The following TOP2A variants were observed in gnomAD, a reference collection of about 807,000 sequenced individuals.
TOP2A encodes the protein DNA topoisomerase II alpha, also known as DNA topoisomerase 2-alpha.
A neutral mutation model predicts 187.2 loss-of-function variants in TOP2A; 68 were observed. The observed-to-expected ratio is 0.36, with a 90% CI of 0.30 to 0.44. The LOEUF (loss-of-function observed/expected upper bound fraction) is 0.44. Among genes scored for constraint, TOP2A ranks in the 20% least tolerant of loss-of-function variants. The pLI is 1.00. For missense variants in TOP2A, 1,196 were observed against 1,808.7 expected (o/e 0.66, Z 6.14); for synonymous variants, 542 against 593.2 (o/e 0.91, Z 1.25).
At chr17:40,394,863 C>T (rs1357718534) in intron 29 of TOP2A, among the ~76,000 whole-genome samples, 3 of 152,134 alleles carry the variant, frequency 2.0e-5, no homozygotes, top group Non-Finnish European at 2.9e-5. Flanking sequence ...ACTAGAACCT[C>T]GTAAGTGGCT....
chr17:40,393,139 T>A (rs1273814983), intron 29 of TOP2A, among the ~76,000 whole-genome samples: 1 of 151,568 alleles, frequency 6.6e-6, no homozygotes, highest in Non-Finnish European at 1.5e-5. Context: ...CTGGTCAACA[T>A]GGCAAAACCC....
rs2035348755 is a variant in TOP2A at position 40,413,425 on chromosome 17, A to G, written c.478+55T>C. On this transcript the variant is annotated intron_variant, in intron 5 of 34. Transcript: ENST00000423485. Reference sequence around the variant, plus strand: ...TTTAACCCTCATGCCACAGACAGTCATTTAAATATATATATTTTTAGCAAC... The same window carrying G: ...TTTAACCCTCATGCCACAGACAGTCGTTTAAATATATATATTTTTAGCAAC... 4 of 1,425,270 alleles carry G rather than the reference A, an allele frequency of 2.8e-6. No individual in the cohort carries two copies. The African/African-American group carries it at 5.8e-5, about 21-fold the overall frequency. 88.3% of individuals were successfully genotyped at this position (1,425,270 alleles called of 1,614,324 possible). A position where few individuals can be genotyped will look rare whatever the true frequency, so the allele number is the denominator to read the frequency against.
At chr17:40,398,331 T>TGACCTC (rs1281736435) in intron 27 of TOP2A, among the ~76,000 whole-genome samples, 1 of 152,056 alleles carries the variant, frequency 6.6e-6, no homozygotes, top group African/African-American at 2.4e-5. Flanking sequence ...CTTGAACCCC[T>TGACCTC]GACCTCAAGT....
chr17:40,404,633 T>TTATTTTTTTAAAATATTTATTTTAAA, intron 17 of TOP2A, 142 bp from the exon 18 acceptor site: 1 of 715,718 alleles, frequency 1.4e-6, no homozygotes, highest in South Asian at 1.8e-5. Context: ...AGAAATATTT[T>TTATTTTTTTAAAATATTTATTTTAAA]ATATGTTTTA....
In TOP2A at chr17:40,405,601, C is replaced by T. The variant is rs186672747; in HGVS notation, c.1954-718G>A. On this transcript the variant is annotated intron_variant, in intron 16 of 34. Coordinates refer to ENST00000423485, the MANE Select transcript of TOP2A (RefSeq NM_001067.4). The stretch of plus-strand genomic sequence containing the variant: ...TCCGGAGTAGCTGGGATTACAGGCG[C>T]GTGTCACCAAGCCCGGCTAATTTTT... Among the ~76,000 whole-genome samples, 891 of 151,850 alleles carry T rather than the reference C, an allele frequency of 5.9e-3. 5 individuals carry two copies. The highest frequency in any genetic ancestry group is 8.9e-3 in the Non-Finnish European group (603 of 67,928).
intron 3 of TOP2A, 75 bp from the exon 4 acceptor site, chr17:40,416,143 A>AG: frequency 8.2e-7 from 1 of 1,221,976 alleles, no homozygotes; most frequent in Non-Finnish European, 1.2e-6. Flanking sequence ...AGTAAGATAT[A>AG]GAAAAAAAAG....
intron 20 of TOP2A, among the ~76,000 whole-genome samples, chr17:40,401,429 G>A (rs1038320780): frequency 6.6e-6 from 1 of 152,172 alleles, no homozygotes; most frequent in Non-Finnish European, 1.5e-5. Context: ...CACTGAGGGC[G>A]CCAGGTGCAG....
At chr17:40,409,645 G>A (rs145239164) in intron 10 of TOP2A, 396 of 261,080 alleles carry the variant, frequency 1.5e-3, no homozygotes, top group African/African-American at 8.7e-3. Flanking sequence ...TGTAATCCCC[G>A]CTACTCAGGA....
At position 40,388,976 on chromosome 17, in the gene TOP2A, G is replaced by A. The variant is rs1177519085; in HGVS notation, c.*543C>T. On this transcript the variant is annotated 3_prime_UTR_variant, in exon 35 of 35. Transcript: ENST00000423485. ...TGATTTGAGAAGATGAAGAACATGA[G>A]CAATTTCTCATTGCTTAAAGAAAAA... 1 of 213,450 alleles carries A rather than the reference G, an allele frequency of 4.7e-6. No homozygotes were observed. The highest frequency in any genetic ancestry group is 5.9e-5 in the Admixed American group (1 of 17,046). The allele number at this position is 213,450 out of a possible 1,614,324, so 13.2% of individuals were successfully genotyped here. A position where few individuals can be genotyped will look rare whatever the true frequency, so the allele number is the denominator to read the frequency against.
At chr17:40,407,729 G>T (rs2035266571) in intron 12 of TOP2A, 55 bp from the exon 13 acceptor site, 1 of 1,477,048 alleles carries the variant, frequency 6.8e-7, no homozygotes. Context: ...AAAGAACAAA[G>T]AAATTTAACA....
chr17:40,413,486 C>G lies in TOP2A; in HGVS notation c.472G>C (p.Val158Leu), dbSNP rs2143687628. 1.3e-6 allele frequency: 2 copies of G among 1,528,868 alleles called. No individual in the cohort carries two copies. Among genetic ancestry groups the G allele is most frequent in the Non-Finnish European group, 1.8e-6 (2 of 1,139,250 alleles). 94.7% of individuals were successfully genotyped at this position (1,528,868 alleles called of 1,614,324 possible). A position where few individuals can be genotyped will look rare whatever the true frequency, so the allele number is the denominator to read the frequency against. ...SSNYDDDEKK[V>L]TGGRNGYGAK... ...TTTCCCCTCAATACTCTACCTGTCA[C>G]TTTCTTTTCATCATCATCATAGTTA... Residue 158 changes from valine (V) to leucine (L), a missense_variant, in exon 5 of 35, where the codon GTG becomes CTG. Around this residue, in one of 10 missense-constraint regions of TOP2A, gnomAD observed 3 missense variants for 32.6 expected, o/e 0.09. Transcript: ENST00000423485.
At position 40,396,408 on chromosome 17, in the gene TOP2A, T is replaced by C. The variant is rs752872052; in HGVS notation, c.3595A>G (p.Lys1199Glu). Residue 1199 changes from lysine to glutamate, a missense_variant, in exon 28 of 35, where the codon AAG (lysine) becomes GAG (glutamate). Coordinates refer to ENST00000423485, the MANE Select transcript of TOP2A (RefSeq NM_001067.4). ...ATTTGTGTTTTTTTCCCCTTGGCCT[T>C]CCCCCCTTTCCCAGGAAGTCCGACT... ...EQVGLPGKGGKAKGKKTQMAE... is the reference protein window; with the variant it reads ...EQVGLPGKGGEAKGKKTQMAE... 1.2e-5 allele frequency: 20 copies of C among 1,613,790 alleles called. No individual in the cohort carries two copies. The African/African-American group carries it at 2.3e-4, about 18-fold the overall frequency.
intron 6 of TOP2A, 51 bp from the exon 7 acceptor site, chr17:40,413,022 C>G: frequency 2.0e-6 from 3 of 1,480,464 alleles, no homozygotes; most frequent in Non-Finnish European, 2.8e-6. Context: ...ATCTCACAAA[C>G]TGGAAGTAAA....
At position 40,399,101 on chromosome 17, in the gene TOP2A, A is replaced by G; in HGVS notation, c.3227T>C (p.Val1076Ala). 1 of 1,571,016 alleles carries G rather than the reference A, an allele frequency of 6.4e-7. No homozygotes were observed. The highest frequency in any genetic ancestry group is 8.7e-7 in the Non-Finnish European group (1 of 1,156,068). The change falls in exon 25 of 35, where the codon GTT becomes GCT. Residue 1076 changes from valine (V) to alanine (A), a missense_variant. Coordinates refer to ENST00000423485, the MANE Select transcript of TOP2A (RefSeq NM_001067.4). Reference protein sequence around the residue: ...ENKPKKELIKVLIQRGYDSDP... With the variant: ...ENKPKKELIKALIQRGYDSDP... Reference sequence around the variant, plus strand: ...CGAATCATATCCCCTCTGAATCAGAACTTTAATTAATTCTTTCTTAGGCTT... The same window carrying G: ...CGAATCATATCCCCTCTGAATCAGAGCTTTAATTAATTCTTTCTTAGGCTT...
intron 1 of TOP2A, among the ~76,000 whole-genome samples, chr17:40,417,299 T>C (rs1014374691): frequency 4.6e-5 from 7 of 152,120 alleles, no homozygotes; most frequent in African/African-American, 1.7e-4. Flanking sequence ...TGGGCGGCTA[T>C]CCGTTCAATC....
intron 4 of TOP2A, among the ~76,000 whole-genome samples, chr17:40,415,402 C>A (rs1349365286): frequency 2.0e-5 from 3 of 152,046 alleles, no homozygotes; most frequent in African/African-American, 7.2e-5. Flanking sequence ...TTAGGAAAAT[C>A]CAGGTATACT....
intron 27 of TOP2A, among the ~76,000 whole-genome samples, chr17:40,397,241 T>TAAC (rs915206643): frequency 4.0e-5 from 6 of 151,174 alleles, no homozygotes; most frequent in African/African-American, 1.5e-4. Context: ...AAGATTTAAG[T>TAAC]AACAAATAAC....
At chr17:40,410,934 C>T (rs575011663) in intron 10 of TOP2A, among the ~76,000 whole-genome samples, 175 bp downstream of exon 10, 15 of 152,282 alleles carry the variant, frequency 9.9e-5, no homozygotes, top group South Asian at 8.3e-4. Context: ...GAAATATAGA[C>T]GGTCATTAAG....
Position 40,417,820 on chromosome 17 carries a change from C to T in TOP2A, c.-29G>A. On this transcript the variant is annotated 5_prime_UTR_variant, in exon 1 of 35. Coordinates refer to ENST00000423485, the MANE Select transcript of TOP2A (RefSeq NM_001067.4). ...GACGGTCGTGAAGGGGCTCAAGAAC[C>T]CTGAAAGCGACTAAACAGGCAGGAC... 1.2e-6 allele frequency: 2 copies of T among 1,613,356 alleles called. No homozygotes were observed. The highest frequency in any genetic ancestry group is 1.7e-6 in the Non-Finnish European group (2 of 1,179,760).
Sources: gnomAD v4.1 joint callset for allele counts (sites outside exome capture counted in the v4.1 genomes callset) on GRCh38, gnomAD v4.1.1 for gene constraint, gnomAD v4.1.1 regional missense constraint, MANE v1.5 for transcripts, NCBI Gene and HGNC (gene_info 2026-07-23, HGNC 2026-07-21) for gene names.